The following SCHIP1 variants were observed in gnomAD, a reference collection of about 807,000 sequenced individuals.
The protein encoded by SCHIP1 is schwannomin-interacting protein 1.
A neutral mutation model predicts 29.7 loss-of-function variants in SCHIP1; 8 were observed. That is an observed-to-expected ratio of 0.27 (90% CI 0.16 to 0.49). The LOEUF is 0.49. Ranked by LOEUF, SCHIP1 falls within the 20% of genes least tolerant of loss-of-function variation. The probability of loss-of-function intolerance (pLI) is 0.99; values close to 1 mark genes in which losing one functional copy is unlikely to be tolerated. For synonymous variants in SCHIP1, 76 were observed against 94.9 expected (o/e 0.80, Z 1.16); for missense variants, 193 against 294.6 (o/e 0.66, Z 2.52).
the SCHIP1 span, among the ~76,000 whole-genome samples, chr3:159,621,506 G>A: frequency 6.6e-6 from 1 of 152,152 alleles, no homozygotes. Context: ...AGTGCCTACA[G>A]TAAAGCCAAC....
intron 4 of SCHIP1, chr3:159,888,238 A>T (rs552861392): frequency 3.0e-6 from 1 of 331,018 alleles, no homozygotes; most frequent in Non-Finnish European, 5.6e-6. Flanking sequence ...TACTATTGCT[A>T]TAATTGTCAT....
the SCHIP1 span, among the ~76,000 whole-genome samples, chr3:159,408,017 TAATA>T: frequency 2.0e-5 from 3 of 151,954 alleles, no homozygotes; most frequent in Non-Finnish European, 4.4e-5. Context: ...AGAAAAAGAA[TAATA>T]AATAATCAGA....
chr3:159,400,911 T>C, the SCHIP1 span, among the ~76,000 whole-genome samples: 3 of 152,212 alleles, frequency 2.0e-5, no homozygotes, highest in Admixed American at 6.5e-5. Context: ...TCCTTGTTTC[T>C]TTGGGCCAGT....
chr3:159,658,358 T>C, the SCHIP1 span, among the ~76,000 whole-genome samples: 10 of 152,174 alleles, frequency 6.6e-5, no homozygotes. Context: ...GTGGCAGATA[T>C]TTAAAATAAT....
chr3:159,455,375 C>G, the SCHIP1 span, among the ~76,000 whole-genome samples: 1 of 152,184 alleles, frequency 6.6e-6, no homozygotes, highest in African/African-American at 2.4e-5. Flanking sequence ...TGGAATCTAC[C>G]TATAGACCCA....
the SCHIP1 span, among the ~76,000 whole-genome samples, chr3:159,589,563 GTT>G: frequency 1.3e-3 from 193 of 152,264 alleles, no homozygotes; most frequent in African/African-American, 4.4e-3. Flanking sequence ...AATGCTTCCA[GTT>G]TTTGCCCATT....
the SCHIP1 span, among the ~76,000 whole-genome samples, chr3:159,812,662 T>G: frequency 6.6e-6 from 1 of 152,250 alleles, no homozygotes; most frequent in Non-Finnish European, 1.5e-5. Context: ...TTGTTTATAT[T>G]TTGTAAATTC....
At chr3:159,771,036 A>G in the SCHIP1 span, among the ~76,000 whole-genome samples, 1 of 152,232 alleles carries the variant, frequency 6.6e-6, no homozygotes, top group Non-Finnish European at 1.5e-5. Context: ...TTGAAAGCAA[A>G]TTCTTCTGAC....
chr3:159,704,715 T>G, the SCHIP1 span, among the ~76,000 whole-genome samples: 1 of 152,106 alleles, frequency 6.6e-6, no homozygotes, highest in Non-Finnish European at 1.5e-5. Flanking sequence ...AAACCTCCAT[T>G]CAAAAGTGTT....
the SCHIP1 span, among the ~76,000 whole-genome samples, chr3:159,426,904 C>T: frequency 1.3e-5 from 2 of 152,244 alleles, no homozygotes; most frequent in African/African-American, 4.8e-5. Context: ...AAATGTAATC[C>T]AGCATATAAA....
the SCHIP1 span, among the ~76,000 whole-genome samples, chr3:159,603,120 A>G: frequency 6.6e-6 from 1 of 152,192 alleles, no homozygotes; most frequent in Non-Finnish European, 1.5e-5. Flanking sequence ...AGCTCACAGA[A>G]TTCAAAGAAA....
the SCHIP1 span, among the ~76,000 whole-genome samples, chr3:159,769,347 T>G: frequency 6.6e-6 from 1 of 152,194 alleles, no homozygotes; most frequent in Admixed American, 6.5e-5. Context: ...CACATCTTTT[T>G]CTCTGTGTTT....
the SCHIP1 span, among the ~76,000 whole-genome samples, chr3:159,408,226 A>G: frequency 1.3e-5 from 2 of 150,376 alleles, no homozygotes; most frequent in Non-Finnish European, 3.0e-5. Flanking sequence ...TGAACCCAGG[A>G]GGCAGAGCTT....
the SCHIP1 span, among the ~76,000 whole-genome samples, chr3:159,819,126 C>T: frequency 6.6e-6 from 1 of 152,172 alleles, no homozygotes; most frequent in East Asian, 1.9e-4. Context: ...GGCTGGAGCC[C>T]TCAATTCCTC....
chr3:159,494,625 CA>C, the SCHIP1 span, among the ~76,000 whole-genome samples: 2 of 151,934 alleles, frequency 1.3e-5, no homozygotes, highest in Admixed American at 6.6e-5. Flanking sequence ...GCTTACTGAC[CA>C]AAAAAAGTCC....
At chr3:159,774,963 C>G in the SCHIP1 span, among the ~76,000 whole-genome samples, 1 of 151,214 alleles carries the variant, frequency 6.6e-6, no homozygotes, top group Non-Finnish European at 1.5e-5. Context: ...TCTTTTTTTT[C>G]TTCCATTTCT....
chr3:159,678,438 C>T, the SCHIP1 span, among the ~76,000 whole-genome samples: 1 of 152,158 alleles, frequency 6.6e-6, no homozygotes, highest in Admixed American at 6.5e-5. Context: ...CTAGTAGACA[C>T]ATTTTGGGAA....
chr3:159,574,418 G>A, the SCHIP1 span, among the ~76,000 whole-genome samples: 1 of 152,184 alleles, frequency 6.6e-6, no homozygotes, highest in Non-Finnish European at 1.5e-5. Flanking sequence ...AGACCTGTTT[G>A]CCTAGGTGTC....
the SCHIP1 span, among the ~76,000 whole-genome samples, chr3:159,324,125 G>A: frequency 6.6e-6 from 1 of 152,092 alleles, no homozygotes; most frequent in Non-Finnish European, 1.5e-5. Context: ...GGTTACTGCA[G>A]CCTGTGAGTC....
Sources: gnomAD v4.1 joint callset for allele counts (sites outside exome capture counted in the v4.1 genomes callset) on GRCh38, gnomAD v4.1.1 for gene constraint, MANE v1.5 for transcripts, NCBI Gene and HGNC (gene_info 2026-07-23, HGNC 2026-07-21) for gene names.